The following LSR variants were observed in gnomAD, a reference collection of about 807,000 sequenced individuals.
LSR encodes lipolysis-stimulated lipoprotein receptor.
In LSR, 44 loss-of-function variants were observed where a neutral mutation model predicts 61.8. The observed-to-expected ratio is 0.71, with a 90% CI of 0.56 to 0.91. LSR has a LOEUF of 0.91. Ranked by LOEUF, LSR falls within the 40% of genes least tolerant of loss-of-function variation. The pLI is 0.00. For synonymous variants in LSR, 397 were observed against 350.6 expected (o/e 1.13, Z -1.48); for missense variants, 911 against 830.5 (o/e 1.10, Z -1.19).
intron 2 of LSR, among the ~76,000 whole-genome samples, chr19:35,256,798 C>CTAAG (rs2065862742): frequency 3.3e-5 from 5 of 152,036 alleles, no homozygotes; most frequent in Admixed American, 2.0e-4. Context: ...ATGACAAAAG[C>CTAAG]TAAGGGACTT....
chr19:35,250,751 C>G, intron 2 of LSR, 92 bp downstream of exon 2: 1 of 953,042 alleles, frequency 1.0e-6, no homozygotes, highest in Non-Finnish European at 1.5e-6. Flanking sequence ...CATCTGAAAG[C>G]TCTTGAGTGC....
chr19:35,266,713 G>C lies in LSR; in HGVS notation c.987G>C (p.Arg329=). Residue 329 remains arginine, a synonymous_variant, in exon 7 of 10, where the codon CGG becomes CGC. Coordinates refer to ENST00000605618, the MANE Select transcript of LSR (RefSeq NM_205834.4). ...AAGGCTCCTATGTACCCCTGCTTCGGGACACGGACAGCAGTGTGGCCTCTG... is the reference window on the plus strand; with the variant it reads ...AAGGCTCCTATGTACCCCTGCTTCGCGACACGGACAGCAGTGTGGCCTCTG... ...GGQGSYVPLL[R]DTDSSVASEV... is the part of the protein sequence containing the mutation. The C allele has an allele frequency of 6.2e-7, 1 of 1,609,194 alleles. No homozygotes were observed. The highest frequency in any genetic ancestry group is 1.1e-5 in the South Asian group (1 of 89,952).
At position 35,250,548 on chromosome 19, in the gene LSR, T is replaced by G. The variant is rs1275712000; in HGVS notation, c.343T>G (p.Tyr115Asp). Residue 115 changes from tyrosine (Y) to aspartate (D), a missense_variant, in exon 2 of 10, where the codon TAC (tyrosine) becomes GAC (aspartate). By Grantham distance (160) the Tyr-to-Asp change is radical. Transcript: ENST00000605618. ...AGCCGGGAACCCAGGCTACAACCCCTACGTTGAGTGCCAGGACAGCGTGCG... is the reference window on the plus strand; with the variant it reads ...AGCCGGGAACCCAGGCTACAACCCCGACGTTGAGTGCCAGGACAGCGTGCG... ...LAAGNPGYNP[Y>D]VECQDSVRTV... 5 of 1,613,894 alleles carry G rather than the reference T, an allele frequency of 3.1e-6. No homozygotes were observed. In the African/African-American group the frequency reaches 6.7e-5, roughly 22 times the overall value.
chr19:35,262,566 G>A lies in LSR; in HGVS notation c.652G>A (p.Val218Ile), dbSNP rs921073694. Residue 218 changes from valine to isoleucine, a missense_variant, in exon 5 of 10, where the codon GTA becomes ATA. By Grantham distance (29) the Val-to-Ile change is conservative (BLOSUM62 3). Coordinates refer to ENST00000605618, the MANE Select transcript of LSR (RefSeq NM_205834.4). ...PIEDWLFVVV[V>I]CLAAFLIFLL... Reference sequence around the variant, plus strand: ...TGCAGACTGGCTCTTCGTGGTTGTGGTATGCCTGGCTGCCTTCCTCATCTT... The same window carrying A: ...TGCAGACTGGCTCTTCGTGGTTGTGATATGCCTGGCTGCCTTCCTCATCTT... The A allele has an allele frequency of 1.2e-6, 2 of 1,614,078 alleles. No individual in the cohort carries two copies. Among genetic ancestry groups the A allele is most frequent in the African/African-American group, 1.3e-5 (1 of 74,926 alleles).
chr19:35,267,453 C>T lies in LSR; in HGVS notation c.1489C>T (p.Arg497Cys), dbSNP rs1438859031. 4 of 1,610,504 alleles carry T rather than the reference C, an allele frequency of 2.5e-6. No individual in the cohort carries two copies. The highest frequency in any genetic ancestry group is 4.5e-5 in the East Asian group (2 of 44,842). ...CCAAGACGACTCGAGGGACTTCCCA[C>T]GCTCCCGGGACCCCCACTACGACGA... Reference protein sequence around the residue: ...YDQDDSRDFPRSRDPHYDDFR... With the variant: ...YDQDDSRDFPCSRDPHYDDFR... Residue 497 changes from arginine (R) to cysteine (C), a missense_variant, in exon 9 of 10, where the codon CGC becomes TGC. Physicochemically the swap from Arg to Cys is radical, Grantham distance 180. Transcript: ENST00000605618.
At chr19:35,259,612 T>G (rs1220575483) in intron 3 of LSR, among the ~76,000 whole-genome samples, 2 of 149,428 alleles carry the variant, frequency 1.3e-5, no homozygotes, top group African/African-American at 2.5e-5. Flanking sequence ...CACTCCAGCC[T>G]GGGCGACAGA....
chr19:35,255,480 G>A (rs573127642), intron 2 of LSR, among the ~76,000 whole-genome samples: 11 of 152,210 alleles, frequency 7.2e-5, no homozygotes, highest in Admixed American at 2.0e-4. Context: ...GGCTAGGGGC[G>A]GTGGCTCATG....
In LSR at chr19:35,261,993, G is replaced by A. The variant is rs1430437503; in HGVS notation, c.631+12G>A. The A allele has an allele frequency of 1.3e-6, 2 of 1,519,910 alleles. No homozygotes were observed. The highest frequency in any genetic ancestry group is 1.5e-5 in the African/African-American group (1 of 68,516). The allele number at this position is 1,519,910 out of a possible 1,614,324, so 94.2% of individuals were successfully genotyped here. On this transcript the variant is annotated intron_variant, in intron 4 of 9. Coordinates refer to ENST00000605618, the MANE Select transcript of LSR (RefSeq NM_205834.4). Reference sequence around the variant, plus strand: ...GGGGCCCATAGAAGGTACGGGGGGTGGATCCTGAGTTGGGCTTCTCGGGAG... The same window carrying A: ...GGGGCCCATAGAAGGTACGGGGGGTAGATCCTGAGTTGGGCTTCTCGGGAG...
intron 6 of LSR, 36 bp from the exon 7 acceptor site, chr19:35,266,643 C>G (rs763403262): frequency 6.2e-7 from 1 of 1,600,216 alleles, no homozygotes; most frequent in African/African-American, 1.3e-5. Context: ...GGGCTCTGCT[C>G]CTGGTGCGCG....
chr19:35,250,355 C>T lies in LSR; in HGVS notation c.150C>T (p.Tyr50=), dbSNP rs141731488. ...TCCAGGTGACCGTGTCCAACCCCTA[C>T]CACGTGGTGATCCTCTTCCAGCCTG... ...RAIQVTVSNP[Y]HVVILFQPVT... Residue 50 remains tyrosine (Y), a synonymous_variant, in exon 2 of 10, where the codon TAC becomes TAT. Coordinates refer to ENST00000605618, the MANE Select transcript of LSR (RefSeq NM_205834.4). 7.3e-3 allele frequency: 11,535 copies of T among 1,582,104 alleles called. 65 individuals are homozygous for T. The highest frequency in any genetic ancestry group is 8.2e-3 in the Non-Finnish European group (9,506 of 1,158,758).
chr19:35,250,939 G>A (rs761648346), intron 2 of LSR, among the ~76,000 whole-genome samples: 5 of 151,974 alleles, frequency 3.3e-5, no homozygotes, highest in Non-Finnish European at 7.4e-5. Flanking sequence ...GGGACTCCAG[G>A]TGCGTGCCAC....
At chr19:35,256,109 C>G (rs2145506326) in intron 2 of LSR, among the ~76,000 whole-genome samples, 1 of 152,170 alleles carries the variant, frequency 6.6e-6, no homozygotes, top group African/African-American at 2.4e-5. Context: ...TGGCAGGCGC[C>G]TATAATCCCA....
Position 35,267,151 on chromosome 19 carries a change from C to G in LSR, c.1187C>G (p.Ser396Cys), listed in dbSNP as rs531278587. 2 of 1,529,784 alleles carry G rather than the reference C, an allele frequency of 1.3e-6. No homozygotes were observed. Among genetic ancestry groups the G allele is most frequent in the East Asian group, 4.5e-5 (2 of 44,256 alleles). 94.8% of individuals were successfully genotyped at this position (1,529,784 alleles called of 1,614,324 possible). A position where few individuals can be genotyped will look rare whatever the true frequency, so the allele number is the denominator to read the frequency against. ...TCCCTCCACGAGGACGACTGGCGAT[C>G]TCGGCCTTCCCGGGGCCCTGCCCTC... ...VTSLHEDDWR[S>C]RPSRGPALTP... Residue 396 changes from serine (S) to cysteine (C), a missense_variant, in exon 9 of 10, where the codon TCT (serine) becomes TGT (cysteine). Coordinates refer to ENST00000605618, the MANE Select transcript of LSR (RefSeq NM_205834.4).
Position 35,262,672 on chromosome 19 carries a change from A to T in LSR, c.758A>T (p.Lys253Met). The T allele has an allele frequency of 6.2e-7, 1 of 1,613,886 alleles. No homozygotes were observed. Among genetic ancestry groups the T allele is most frequent in the Non-Finnish European group, 8.5e-7 (1 of 1,179,926 alleles). ...GTCAGGTGCCCCTGCTGCCCAGACA[A>T]GTGCTGCTGCCCCGAGGCCCGTAAG... is the stretch of plus-strand genomic sequence containing the variant. ...CYVRCPCCPD[K>M]CCCPEALYAA... Residue 253 changes from lysine (K) to methionine (M), a missense_variant, in exon 5 of 10, where the codon AAG becomes ATG. Transcript: ENST00000605618.
chr19:35,257,858 C>T (rs1232699936), intron 2 of LSR, among the ~76,000 whole-genome samples: 3 of 152,152 alleles, frequency 2.0e-5, no homozygotes, highest in African/African-American at 7.2e-5. Context: ...TTAACAGGCT[C>T]CTTGCCTGCA....
chr19:35,266,566 A>C (rs12459658), intron 6 of LSR, 34 bp downstream of exon 6: 207,880 of 1,597,806 alleles, frequency 0.13, 14,407 homozygotes, highest in Admixed American at 0.26. Context: ...AGCTGGTGGG[A>C]GTGTGCTGGG....
chr19:35,266,311 C>A, intron 5 of LSR, 48 bp from the exon 6 acceptor site: 1 of 1,491,856 alleles, frequency 6.7e-7, no homozygotes, highest in Non-Finnish European at 9.1e-7. Flanking sequence ...TATGGGGCAG[C>A]CTGGCTCCTG....
intron 3 of LSR, among the ~76,000 whole-genome samples, chr19:35,260,024 GTGTGAA>G (rs2065906380): frequency 6.6e-6 from 1 of 152,208 alleles, no homozygotes; most frequent in Non-Finnish European, 1.5e-5. Flanking sequence ...ATCTTCACAT[GTGTGAA>G]TGAGCACGTG....
At chr19:35,256,373 C>G (rs2065856851) in intron 2 of LSR, among the ~76,000 whole-genome samples, 1 of 152,074 alleles carries the variant, frequency 6.6e-6, no homozygotes, top group African/African-American at 2.4e-5. Flanking sequence ...AAAAAATAAT[C>G]ATTTTCTGAA....
Sources: allele counts gnomAD v4.1 joint callset (sites outside exome capture counted in the v4.1 genomes callset), GRCh38; gene constraint gnomAD v4.1.1; transcripts MANE v1.5; gene names NCBI Gene and HGNC (gene_info 2026-07-23, HGNC 2026-07-21).